The following CACNA1I variants were observed in gnomAD, a reference collection of about 807,000 sequenced individuals.
CACNA1I encodes voltage-dependent T-type calcium channel subunit alpha-1I.
Under a neutral mutation model 201.6 loss-of-function variants are expected in CACNA1I, and 74 were observed. The observed-to-expected ratio is 0.37, with a 90% CI of 0.30 to 0.45. CACNA1I has a LOEUF of 0.45. CACNA1I is among the 20% of genes least tolerant of loss of function. The probability of loss-of-function intolerance (pLI) is 1.00; values close to 1 mark genes in which losing one functional copy is unlikely to be tolerated. For synonymous variants in CACNA1I, 1,431 were observed against 1,345.2 expected, an observed-to-expected ratio of 1.06 and a Z score of -1.40; for missense variants, 2,346 against 3,138.1, an observed-to-expected ratio of 0.75 and a Z score of 6.03.
chr22:39,572,027 G>A (rs894568141), intron 1 of CACNA1I, among the ~76,000 whole-genome samples: 6 of 152,228 alleles, frequency 3.9e-5, no homozygotes, highest in Non-Finnish European at 5.9e-5. Flanking sequence ...GCCTGGAGAA[G>A]GGAGGAGTTG....
At chr22:39,614,678 GTC>G (rs1295191474) in intron 3 of CACNA1I, among the ~76,000 whole-genome samples, 3 of 152,200 alleles carry the variant, frequency 2.0e-5, no homozygotes, top group African/African-American at 7.2e-5. Context: ...CCAGGCCTGG[GTC>G]TCTGGACCTC....
At chr22:39,678,192 C>A in intron 31 of CACNA1I, 84 bp downstream of exon 31, 1 of 1,470,892 alleles carries the variant, frequency 6.8e-7, no homozygotes, top group South Asian at 1.3e-5. Context: ...GGGCTCTGCC[C>A]ACCCAGGGCC....
chr22:39,662,969 T>C, intron 18 of CACNA1I, 93 bp downstream of exon 18: 1 of 878,150 alleles, frequency 1.1e-6, no homozygotes, highest in East Asian at 2.7e-5. Context: ...TTGGTGGCGC[T>C]CTCCCAGACC....
intron 4 of CACNA1I, among the ~76,000 whole-genome samples, chr22:39,633,471 A>G (rs1179577072): frequency 6.6e-6 from 1 of 152,232 alleles, no homozygotes; most frequent in African/African-American, 2.4e-5. Context: ...AGAGCAGAAG[A>G]GAGAAGGATG....
intron 3 of CACNA1I, among the ~76,000 whole-genome samples, chr22:39,609,663 G>A (rs1165422423): frequency 1.3e-5 from 2 of 152,236 alleles, no homozygotes; most frequent in Non-Finnish European, 2.9e-5. Flanking sequence ...GGGTCTGATG[G>A]ACACCTGAGT....
chr22:39,675,271 A>T (rs1010380490), intron 29 of CACNA1I, among the ~76,000 whole-genome samples: 1 of 152,258 alleles, frequency 6.6e-6, no homozygotes, highest in African/African-American at 2.4e-5. Context: ...GTTAAAGCTT[A>T]TGAAGCACTT....
chr22:39,612,483 C>G (rs750960929), intron 3 of CACNA1I, among the ~76,000 whole-genome samples: 1 of 152,026 alleles, frequency 6.6e-6, no homozygotes, highest in Non-Finnish European at 1.5e-5. Context: ...TTGGGAAGTC[C>G]AAGATCAAGG....
chr22:39,650,275 T>C (rs1934608942), intron 10 of CACNA1I, among the ~76,000 whole-genome samples: 1 of 149,594 alleles, frequency 6.7e-6, no homozygotes, highest in Non-Finnish European at 1.5e-5. Flanking sequence ...TCTATTCACC[T>C]CTCCACCTGA....
At chr22:39,572,368 G>A (rs1272316755) in intron 1 of CACNA1I, among the ~76,000 whole-genome samples, 4 of 152,150 alleles carry the variant, frequency 2.6e-5, no homozygotes, top group African/African-American at 9.7e-5. Flanking sequence ...GGAGCTGGTG[G>A]GTCAGGTGCA....
At chr22:39,593,338 A>G (rs1257273560) in intron 1 of CACNA1I, among the ~76,000 whole-genome samples, 1 of 152,218 alleles carries the variant, frequency 6.6e-6, no homozygotes, top group Admixed American at 6.5e-5. Context: ...TCTGGTACAC[A>G]GTCGTCAGAG....
chr22:39,597,584 CT>C (rs1394098476), intron 1 of CACNA1I, among the ~76,000 whole-genome samples: 1 of 152,256 alleles, frequency 6.6e-6, no homozygotes, highest in Non-Finnish European at 1.5e-5. Context: ...CAGGCCAGGG[CT>C]GGGCTTGGTG....
At chr22:39,623,358 G>A (rs1400509448) in intron 4 of CACNA1I, among the ~76,000 whole-genome samples, 2 of 152,064 alleles carry the variant, frequency 1.3e-5, no homozygotes, top group Admixed American at 6.5e-5. Flanking sequence ...GTGCATCTGA[G>A]GATGTGTGTG....
rs924909056 is a variant in CACNA1I at position 39,662,094 on chromosome 22, C to A, written c.3031C>A (p.Arg1011Ser). The change falls in exon 17 of 37, where the codon CGC becomes AGC. Residue 1011 changes from arginine (R) to serine (S), a missense_variant. Physicochemically the swap from Arg to Ser is moderately radical, Grantham distance 110. Coordinates refer to ENST00000402142, the MANE Select transcript of CACNA1I (RefSeq NM_021096.4). ...GCATGAGTCCCTGCTCTCTGCGGAGCGCGGCGGCGGCGCCCGGGTCTGCGA... is the reference window on the plus strand; with the variant it reads ...GCATGAGTCCCTGCTCTCTGCGGAGAGCGGCGGCGGCGCCCGGGTCTGCGA... ...AEHESLLSAE[R>S]GGGARVCEVA... The A allele has an allele frequency of 2.0e-6, 3 of 1,528,882 alleles. No homozygotes were observed. Among genetic ancestry groups the A allele is most frequent in the Non-Finnish European group, 2.6e-6 (3 of 1,142,628 alleles). The allele number at this position is 1,528,882 out of a possible 1,614,324, so 94.7% of individuals were successfully genotyped here.
At chr22:39,638,409 G>A (rs1341794994) in intron 5 of CACNA1I, among the ~76,000 whole-genome samples, 1 of 152,194 alleles carries the variant, frequency 6.6e-6, no homozygotes, top group East Asian at 1.9e-4. Flanking sequence ...ATTGATGGAT[G>A]TGCCAAATTG....
intron 1 of CACNA1I, among the ~76,000 whole-genome samples, chr22:39,581,009 T>G (rs1569045714): frequency 6.6e-6 from 1 of 151,604 alleles, no homozygotes; most frequent in Non-Finnish European, 1.5e-5. Context: ...CCCTAAGGAG[T>G]CCCCAGCCTG....
At chr22:39,620,262 TCC>T (rs59758045) in intron 4 of CACNA1I, among the ~76,000 whole-genome samples, 11,928 of 135,436 alleles carry the variant, frequency 0.088, 654 homozygotes, top group Admixed American at 0.2. Context: ...CATCCATCCA[TCC>T]ATCCATCCAT....
chr22:39,655,704 C>G (rs1043921769), intron 10 of CACNA1I, among the ~76,000 whole-genome samples: 1 of 152,194 alleles, frequency 6.6e-6, no homozygotes, highest in African/African-American at 2.4e-5. Context: ...CCGCCCCTCC[C>G]TCTCCATGTC....
chr22:39,662,296 C>G lies in CACNA1I; in HGVS notation c.3233C>G (p.Pro1078Arg). 6.7e-7 allele frequency: 1 copy of G among 1,501,272 alleles called. No homozygotes were observed. The highest frequency in any genetic ancestry group is 1.5e-5 in the African/African-American group (1 of 68,730). 93.0% of individuals were successfully genotyped at this position (1,501,272 alleles called of 1,614,324 possible). A position where few individuals can be genotyped will look rare whatever the true frequency, so the allele number is the denominator to read the frequency against. Residue 1078 changes from proline (P) to arginine (R), a missense_variant, in exon 17 of 37, where the codon CCC becomes CGC. Transcript: ENST00000402142. ...AELVPAVGAH[P>R]RAAWRAAGPA... ...CTGGTGCCCGCGGTGGGCGCCCACCCCCGGGCCGCCTGGAGGGCGGCAGGC... is the reference window on the plus strand; with the variant it reads ...CTGGTGCCCGCGGTGGGCGCCCACCGCCGGGCCGCCTGGAGGGCGGCAGGC...
chr22:39,601,027 G>T (rs182380358), intron 3 of CACNA1I, among the ~76,000 whole-genome samples: 2 of 152,096 alleles, frequency 1.3e-5, no homozygotes, highest in Non-Finnish European at 2.9e-5. Flanking sequence ...CTCTCATCAC[G>T]CCAGAGACCG....
Sources: gnomAD v4.1 joint callset for allele counts (sites outside exome capture counted in the v4.1 genomes callset) on GRCh38, gnomAD v4.1.1 for gene constraint, MANE v1.5 for transcripts, NCBI Gene and HGNC (gene_info 2026-07-23, HGNC 2026-07-21) for gene names.